The following PLPP6 variants were observed in gnomAD, a reference collection of about 807,000 sequenced individuals.
PLPP6 encodes phospholipid phosphatase 6, also known as polyisoprenoid diphosphate/phosphate phosphohydrolase PLPP6.
PLPP6 carries 16 observed loss-of-function variants against 16.5 expected under a neutral mutation model. The observed-to-expected ratio is 0.97, with a 90% CI of 0.66 to 1.47. PLPP6 has a LOEUF of 1.47. PLPP6 is among the 40% of genes most tolerant of loss of function. The pLI is 0.00. For synonymous variants in PLPP6, 226 were observed against 188.1 expected (o/e 1.20, Z -1.65); for missense variants, 512 against 396.6 (o/e 1.29, Z -2.47).
Position 4,662,755 on chromosome 9 carries a change from G to A in PLPP6, c.380G>A (p.Trp127Ter). The change falls in exon 1 of 1, where the codon TGG becomes TAG. Residue 127 changes from tryptophan to a stop codon, truncating the protein, a stop_gained. Transcript: ENST00000381883. LOFTEE classifies it high-confidence loss of function. This position sits in a 1 kb window ranked among gnomAD's most constrained non-coding sequence, Gnocchi z 4.9. ...LGVCAGESSS[W>*]GSVRPLMKLL... is the part of the protein sequence containing the mutation. ...GTGTGCGCGGGAGAGAGCTCGTCGT[G>A]GGGCAGCGTGCGACCCCTTATGAAG... 1 of 1,604,122 alleles carries A rather than the reference G, an allele frequency of 6.2e-7. No homozygotes were observed. The highest frequency in any genetic ancestry group is 8.5e-7 in the Non-Finnish European group (1 of 1,179,928).
rs1363640330 is a variant in PLPP6 at position 4,664,050 on chromosome 9, G to T, written c.*787G>T. ...CTTAAAAGGTAGGCATATCTAAGAT[G>T]CTCATAGAAGAGGAAGAATGGGACA... On this transcript the variant is annotated 3_prime_UTR_variant, in exon 1 of 1. Coordinates refer to ENST00000381883, the MANE Select transcript of PLPP6 (RefSeq NM_203453.5). The T allele has an allele frequency of 1.2e-5, 2 of 167,108 alleles. No individual in the cohort carries two copies. Among genetic ancestry groups the T allele is most frequent in the Admixed American group, 1.3e-4 (2 of 15,282 alleles). 10.4% of individuals were successfully genotyped at this position (167,108 alleles called of 1,614,324 possible). A position where few individuals can be genotyped will look rare whatever the true frequency, so the allele number is the denominator to read the frequency against.
chr9:4,662,447 C>T lies in PLPP6; in HGVS notation c.72C>T (p.Pro24=), dbSNP rs756902395. 5.2e-6 allele frequency: 8 copies of T among 1,545,378 alleles called. No homozygotes were observed. The African/African-American group carries it at 9.6e-5, about 19-fold the overall frequency. ...CCGCTTCGAGCAGCAGCAGCAGCCC[C>T]GGCAGCCCAGCCCATGGCGGCGGTG... ...GVSASSSSSS[P]GSPAHGGGGG... Residue 24 remains proline, a synonymous_variant, in exon 1 of 1, where the codon CCC becomes CCT. Coordinates refer to ENST00000381883, the MANE Select transcript of PLPP6 (RefSeq NM_203453.5). This position sits in a 1 kb window ranked among gnomAD's most constrained non-coding sequence, Gnocchi z 4.9.
rs1840479135 is a variant in PLPP6 at position 4,664,077 on chromosome 9, G to A, written c.*814G>A. On this transcript the variant is annotated 3_prime_UTR_variant, in exon 1 of 1. Transcript: ENST00000381883. ...TCATAGAAGAGGAAGAATGGGACAT[G>A]GCCCCATGCTTATTTTTGTTTACAA... 1 of 167,108 alleles carries A rather than the reference G, an allele frequency of 6.0e-6. No homozygotes were observed. The highest frequency in any genetic ancestry group is 2.1e-4 in the South Asian group (1 of 4,832). The allele number at this position is 167,108 out of a possible 1,614,324, so 10.4% of individuals were successfully genotyped here.
Position 4,662,899 on chromosome 9 carries a change from T to A in PLPP6, c.524T>A (p.Leu175Ter). ...VLMNLLFALLLDLLLVALIKG... is the reference protein window; with the variant it reads ...VLMNLLFALL ...ATGAACCTGCTCTTCGCCCTGCTGT[T>A]GGACCTGCTGCTGGTGGCCTTGATC... Residue 175 changes from leucine to a stop codon, truncating the protein, a stop_gained, in exon 1 of 1, where the codon TTG becomes TAG. Transcript: ENST00000381883. LOFTEE classifies it high-confidence loss of function. The surrounding 1 kb of genome is among the most constrained non-coding windows in gnomAD (Gnocchi z 4.9). 2 of 1,608,536 alleles carry A rather than the reference T, an allele frequency of 1.2e-6. No homozygotes were observed. The highest frequency in any genetic ancestry group is 1.7e-6 in the Non-Finnish European group (2 of 1,179,966).
Position 4,664,427 on chromosome 9 carries a change from T to C in PLPP6, c.*1164T>C, listed in dbSNP as rs1840542989. 6.0e-6 allele frequency: 1 copy of C among 166,994 alleles called. No individual in the cohort carries two copies. Among genetic ancestry groups the C allele is most frequent in the Non-Finnish European group, 1.5e-5 (1 of 68,106 alleles). The allele number at this position is 166,994 out of a possible 1,614,324, so 10.3% of individuals were successfully genotyped here. On this transcript the variant is annotated 3_prime_UTR_variant, in exon 1 of 1. Coordinates refer to ENST00000381883, the MANE Select transcript of PLPP6 (RefSeq NM_203453.5). ...TTTAACTTGAAATTCATCATGGGAG[T>C]CTGCTGCTATACCAGGCACAAGATA...
rs1324677641 is a variant in PLPP6, at chr9:4,663,793, T to C, written c.*530T>C. ...ATTCCCTGAAGATCTGTTGCCACAG[T>C]TGGGAGATTTCTTCTTAATCCTGAT... On this transcript the variant is annotated 3_prime_UTR_variant, in exon 1 of 1. Coordinates refer to ENST00000381883, the MANE Select transcript of PLPP6 (RefSeq NM_203453.5). 1 of 167,066 alleles carries C rather than the reference T, an allele frequency of 6.0e-6. No homozygotes were observed. The highest frequency in any genetic ancestry group is 2.4e-5 in the African/African-American group (1 of 41,458). The allele number at this position is 167,066 out of a possible 1,614,324, so 10.3% of individuals were successfully genotyped here.
rs369535277 is a variant in PLPP6 at position 4,662,477 on chromosome 9, C to T, written c.102C>T (p.Gly34=). The change falls in exon 1 of 1, where the codon GGC becomes GGT. Residue 34 remains glycine, a synonymous_variant. Coordinates refer to ENST00000381883, the MANE Select transcript of PLPP6 (RefSeq NM_203453.5). This position sits in a 1 kb window ranked among gnomAD's most constrained non-coding sequence, Gnocchi z 4.9. The part of the protein sequence containing the change: ...PGSPAHGGGG[G]GSRFEFQSLL... ...GCCCAGCCCATGGCGGCGGTGGCGG[C>T]GGCAGCAGGTTTGAGTTCCAGTCCC... 6.5e-7 allele frequency: 1 copy of T among 1,550,210 alleles called. No individual in the cohort carries two copies. Among genetic ancestry groups the T allele is most frequent in the Admixed American group, 1.9e-5 (1 of 52,824 alleles).
chr9:4,664,716 G>C lies in PLPP6; in HGVS notation c.*1453G>C, dbSNP rs1355915425. On this transcript the variant is annotated 3_prime_UTR_variant, in exon 1 of 1. Transcript: ENST00000381883. Reference sequence around the variant, plus strand: ...ATAAATAGAAATGATTATGGACTTTGATCTGCCATACGGAGGTTCGGAACC... The same window carrying C: ...ATAAATAGAAATGATTATGGACTTTCATCTGCCATACGGAGGTTCGGAACC... 6.0e-6 allele frequency: 1 copy of C among 167,110 alleles called. No homozygotes were observed. Among genetic ancestry groups the C allele is most frequent in the Non-Finnish European group, 1.5e-5 (1 of 68,138 alleles). 10.4% of individuals were successfully genotyped at this position (167,110 alleles called of 1,614,324 possible). A position where few individuals can be genotyped will look rare whatever the true frequency, so the allele number is the denominator to read the frequency against.
At position 4,662,708 on chromosome 9, in the gene PLPP6, G is replaced by C. The variant is rs1233186508; in HGVS notation, c.333G>C (p.Leu111=). 2.5e-6 allele frequency: 4 copies of C among 1,601,950 alleles called. No homozygotes were observed. Among genetic ancestry groups the C allele is most frequent in the Non-Finnish European group, 3.4e-6 (4 of 1,179,914 alleles). The stretch of plus-strand genomic sequence containing the variant: ...TGCGCTCCCTGCTGGCCATCGACCT[G>C]TGGCTGTCCAAGAAGCTGGGGGTGT... The part of the protein sequence containing the change: ...IALRSLLAID[L]WLSKKLGVCA... Residue 111 remains leucine, a synonymous_variant, in exon 1 of 1, where the codon CTG becomes CTC. Coordinates refer to ENST00000381883, the MANE Select transcript of PLPP6 (RefSeq NM_203453.5). The surrounding 1 kb of genome is among the most constrained non-coding windows in gnomAD (Gnocchi z 4.9).
rs895661738 is a variant in PLPP6 at position 4,664,750 on chromosome 9, G to A, written c.*1487G>A. 2.4e-5 allele frequency: 4 copies of A among 167,072 alleles called. No individual in the cohort carries two copies. Among genetic ancestry groups the A allele is most frequent in the South Asian group, 4.1e-4 (2 of 4,834 alleles). 10.3% of individuals were successfully genotyped at this position (167,072 alleles called of 1,614,324 possible). A position where few individuals can be genotyped will look rare whatever the true frequency, so the allele number is the denominator to read the frequency against. The stretch of plus-strand genomic sequence containing the variant: ...TACGGAGGTTCGGAACCTGGAGAAC[G>A]GCTGTGATAAGTAGGTTTTGATTGA... On this transcript the variant is annotated 3_prime_UTR_variant, in exon 1 of 1. Coordinates refer to ENST00000381883, the MANE Select transcript of PLPP6 (RefSeq NM_203453.5).
rs553944572 is a variant in PLPP6 at position 4,663,926 on chromosome 9, T to C, written c.*663T>C. ...GATTATAATACTTGTCTTTCTCTCC[T>C]CTCCCTCCATCCCTCAAAAGATCTT... is the stretch of plus-strand genomic sequence containing the variant. On this transcript the variant is annotated 3_prime_UTR_variant, in exon 1 of 1. Coordinates refer to ENST00000381883, the MANE Select transcript of PLPP6 (RefSeq NM_203453.5). 1.6e-4 allele frequency: 27 copies of C among 167,158 alleles called. No individual in the cohort carries two copies. Among genetic ancestry groups the C allele is most frequent in the African/African-American group, 6.5e-4 (27 of 41,562 alleles). 10.4% of individuals were successfully genotyped at this position (167,158 alleles called of 1,614,324 possible).
At position 4,662,660 on chromosome 9, in the gene PLPP6, C is replaced by T. The variant is rs748613068; in HGVS notation, c.285C>T (p.Asn95=). The change falls in exon 1 of 1, where the codon AAC becomes AAT. Residue 95 remains asparagine (N), a synonymous_variant. Coordinates refer to ENST00000381883, the MANE Select transcript of PLPP6 (RefSeq NM_203453.5). This position sits in a 1 kb window ranked among gnomAD's most constrained non-coding sequence, Gnocchi z 4.9. ...PLPEEDRMDL[N]PSFLGIALRS... is the part of the protein sequence containing the mutation. Reference sequence around the variant, plus strand: ...CCGAGGAGGACCGCATGGACTTGAACCCGTCCTTCCTGGGCATCGCCCTGC... The same window carrying T: ...CCGAGGAGGACCGCATGGACTTGAATCCGTCCTTCCTGGGCATCGCCCTGC... The T allele has an allele frequency of 1.9e-6, 3 of 1,599,854 alleles. No homozygotes were observed. Among genetic ancestry groups the T allele is most frequent in the Non-Finnish European group, 2.5e-6 (3 of 1,179,826 alleles).
Position 4,662,537 on chromosome 9 carries a change from C to T in PLPP6, c.162C>T (p.Thr54=), listed in dbSNP as rs186498890. The change falls in exon 1 of 1, where the codon ACC becomes ACT. Residue 54 remains threonine (T), a synonymous_variant. Coordinates refer to ENST00000381883, the MANE Select transcript of PLPP6 (RefSeq NM_203453.5). The surrounding 1 kb of genome is among the most constrained non-coding windows in gnomAD (Gnocchi z 4.9). ...LSSRATAVDP[T]CARLRASESP... is the part of the protein sequence containing the mutation. Reference sequence around the variant, plus strand: ...GCCGCGCCACGGCCGTGGACCCCACCTGCGCCCGGCTCCGTGCATCGGAGA... The same window carrying T: ...GCCGCGCCACGGCCGTGGACCCCACTTGCGCCCGGCTCCGTGCATCGGAGA... 2.7e-5 allele frequency: 42 copies of T among 1,568,356 alleles called. No homozygotes were observed. In the Admixed American group the frequency reaches 3.4e-4, roughly 13 times the overall value.
In PLPP6 at chr9:4,664,677, C is replaced by G. The variant is rs1277639947; in HGVS notation, c.*1414C>G. 2 of 167,054 alleles carry G rather than the reference C, an allele frequency of 1.2e-5. No individual in the cohort carries two copies. The highest frequency in any genetic ancestry group is 1.9e-4 in the East Asian group (1 of 5,210). The allele number at this position is 167,054 out of a possible 1,614,324, so 10.3% of individuals were successfully genotyped here. On this transcript the variant is annotated 3_prime_UTR_variant, in exon 1 of 1. Coordinates refer to ENST00000381883, the MANE Select transcript of PLPP6 (RefSeq NM_203453.5). ...TGATGTCCTCAGATAATCTTAATGACTATTTTGGCATTTATAAATAGAAAT... is the reference window on the plus strand; with the variant it reads ...TGATGTCCTCAGATAATCTTAATGAGTATTTTGGCATTTATAAATAGAAAT...
In PLPP6 at chr9:4,662,465, C is replaced by T. The variant is rs1840055818; in HGVS notation, c.90C>T (p.Gly30=). 1 of 1,546,362 alleles carries T rather than the reference C, an allele frequency of 6.5e-7. No individual in the cohort carries two copies. Among genetic ancestry groups the T allele is most frequent in the African/African-American group, 1.4e-5 (1 of 73,062 alleles). ...GCAGCCCCGGCAGCCCAGCCCATGG[C>T]GGCGGTGGCGGCGGCAGCAGGTTTG... ...SSSSPGSPAH[G]GGGGGSRFEF... is the part of the protein sequence containing the mutation. The change falls in exon 1 of 1, where the codon GGC becomes GGT. Residue 30 remains glycine (G), a synonymous_variant. Transcript: ENST00000381883. This position sits in a 1 kb window ranked among gnomAD's most constrained non-coding sequence, Gnocchi z 4.9.
At position 4,663,413 on chromosome 9, in the gene PLPP6, A is replaced by G. The variant is rs1840339577; in HGVS notation, c.*150A>G. ...TGTCCCATGATCTTGATGTGCTGCT[A>G]GGCTGGAGCACACACTGGCCATTAC... On this transcript the variant is annotated 3_prime_UTR_variant, in exon 1 of 1. Coordinates refer to ENST00000381883, the MANE Select transcript of PLPP6 (RefSeq NM_203453.5). 7 of 845,038 alleles carry G rather than the reference A, an allele frequency of 8.3e-6. No homozygotes were observed. The East Asian group carries it at 1.5e-4, about 18-fold the overall frequency. 52.3% of individuals were successfully genotyped at this position (845,038 alleles called of 1,614,324 possible).
rs1447744657 is a variant in PLPP6 at position 4,662,684 on chromosome 9, G to A, written c.309G>A (p.Leu103=). Residue 103 remains leucine (L), a synonymous_variant, in exon 1 of 1, where the codon CTG becomes CTA. Transcript: ENST00000381883. The surrounding 1 kb of genome is among the most constrained non-coding windows in gnomAD (Gnocchi z 4.9). ...ACCCGTCCTTCCTGGGCATCGCCCTGCGCTCCCTGCTGGCCATCGACCTGT... is the reference window on the plus strand; with the variant it reads ...ACCCGTCCTTCCTGGGCATCGCCCTACGCTCCCTGCTGGCCATCGACCTGT... The part of the protein sequence containing the change: ...DLNPSFLGIA[L]RSLLAIDLWL... 1.2e-6 allele frequency: 2 copies of A among 1,600,652 alleles called. No individual in the cohort carries two copies. The highest frequency in any genetic ancestry group is 2.2e-5 in the East Asian group (1 of 44,874).
chr9:4,662,391 A>C lies in PLPP6; in HGVS notation c.16A>C (p.Arg6=). 1 of 1,530,766 alleles carries C rather than the reference A, an allele frequency of 6.5e-7. No individual in the cohort carries two copies. The highest frequency in any genetic ancestry group is 1.4e-5 in the African/African-American group (1 of 72,790). The allele number at this position is 1,530,766 out of a possible 1,614,324, so 94.8% of individuals were successfully genotyped here. The part of the protein sequence containing the change: MPSPR[R]SMEGRPLGVS... The stretch of plus-strand genomic sequence containing the variant: ...GCCAGCTGCGATGCCAAGTCCCCGG[A>C]GGAGCATGGAGGGACGGCCGCTGGG... Residue 6 remains arginine (R), a synonymous_variant, in exon 1 of 1, where the codon AGG becomes CGG. Transcript: ENST00000381883. This position sits in a 1 kb window ranked among gnomAD's most constrained non-coding sequence, Gnocchi z 4.9.
In PLPP6 at chr9:4,664,436, A is replaced by C. The variant is rs139655092; in HGVS notation, c.*1173A>C. The C allele has an allele frequency of 1.2e-5, 2 of 167,080 alleles. No individual in the cohort carries two copies. The allele number at this position is 167,080 out of a possible 1,614,324, so 10.3% of individuals were successfully genotyped here. On this transcript the variant is annotated 3_prime_UTR_variant, in exon 1 of 1. Transcript: ENST00000381883. Reference sequence around the variant, plus strand: ...AAATTCATCATGGGAGTCTGCTGCTATACCAGGCACAAGATAAAACTCCAA... The same window carrying C: ...AAATTCATCATGGGAGTCTGCTGCTCTACCAGGCACAAGATAAAACTCCAA...
Sources: allele counts gnomAD v4.1 joint callset, GRCh38; gene constraint gnomAD v4.1.1; non-coding constraint Gnocchi (gnomAD v3.1); transcripts MANE v1.5; gene names NCBI Gene and HGNC (gene_info 2026-07-23, HGNC 2026-07-21).